Variants in ZNF43 observed in about 807,000 individuals in gnomAD.
ZNF43 encodes zinc finger protein 39-like 1 (KOX 27).
ZNF43 carries 44 observed loss-of-function variants against 68.4 expected under a neutral mutation model. The observed-to-expected ratio is 0.64, with a 90% CI of 0.51 to 0.83. The LOEUF (loss-of-function observed/expected upper bound fraction) is 0.83. Among genes scored for constraint, ZNF43 ranks in the 40% least tolerant of loss-of-function variants. ZNF43 has a pLI of 0.00. For synonymous variants in ZNF43, 308 were observed against 307.8 expected (o/e 1.00, Z -0.01); for missense variants, 896 against 933.2 (o/e 0.96, Z 0.52).
intron 1 of ZNF43, among the ~76,000 whole-genome samples, chr19:21,820,830 A>AT (rs750258211): frequency 0.022 from 2,832 of 128,720 alleles, 84 homozygotes; most frequent in East Asian, 0.12. Context: ...ATGTTCTGTA[A>AT]TTTTTTTTTT....
chr19:21,851,977 G>T, exon 1 of ZNF43: 2 of 1,533,944 alleles, frequency 1.3e-6, no homozygotes, highest in South Asian at 1.2e-5. Flanking sequence ...ACAGGGTAAC[G>T]GAGGCTGCGA....
chr19:21,816,122 C>T lies in ZNF43; in HGVS notation c.229+1766G>A, dbSNP rs756849502. Among the ~76,000 whole-genome samples, 106 of 151,250 alleles carry T rather than the reference C, an allele frequency of 7.0e-4. 1 individual carries two copies. The highest frequency in any genetic ancestry group is 1.5e-3 in the Non-Finnish European group (101 of 67,742). On this transcript the variant is annotated intron_variant, in intron 3 of 3. Transcript: ENST00000354959. ...TAAAAATGTATAGGGAGAGTGACAACAGTAAGATGGAAAAATAAAAGGTGC... is the reference window on the plus strand; with the variant it reads ...TAAAAATGTATAGGGAGAGTGACAATAGTAAGATGGAAAAATAAAAGGTGC...
intron 1 of ZNF43, among the ~76,000 whole-genome samples, chr19:21,823,071 A>G (rs1012009517): frequency 2.0e-5 from 3 of 152,220 alleles, no homozygotes; most frequent in Admixed American, 2.0e-4. Context: ...TTTTTTCAAT[A>G]AACATTCCTT....
Position 21,808,245 on chromosome 19 carries a change from C to G in ZNF43, c.1792G>C (p.Glu598Gln). The change falls in exon 4 of 4, where the codon GAA becomes CAA. Residue 598 changes from glutamate (E) to glutamine (Q), a missense_variant. Transcript: ENST00000354959. Reference sequence around the variant, plus strand: ...GATTGGGTAAAAGCTTTGCCACATTCTTCACATTTGTAGAATTTCTCTCCA... The same window carrying G: ...GATTGGGTAAAAGCTTTGCCACATTGTTCACATTTGTAGAATTTCTCTCCA... ...HTGEKFYKCE[E>Q]CGKAFTQSSN... 1 of 1,613,340 alleles carries G rather than the reference C, an allele frequency of 6.2e-7. No individual in the cohort carries two copies. The highest frequency in any genetic ancestry group is 8.5e-7 in the Non-Finnish European group (1 of 1,179,800).
intron 1 of ZNF43, among the ~76,000 whole-genome samples, chr19:21,846,456 T>C (rs1196767755): frequency 2.6e-5 from 4 of 152,316 alleles, no homozygotes; most frequent in Non-Finnish European, 5.9e-5. Flanking sequence ...ATCTGACCTA[T>C]GGACAAAGCC....
intron 1 of ZNF43, among the ~76,000 whole-genome samples, chr19:21,826,242 C>G (rs1456048384): frequency 6.6e-6 from 1 of 150,942 alleles, no homozygotes; most frequent in African/African-American, 2.5e-5. Context: ...GATGGGAAGC[C>G]TGAAAGAAAA....
chr19:21,845,173 T>C (rs986402895), intron 1 of ZNF43, among the ~76,000 whole-genome samples: 20 of 151,860 alleles, frequency 1.3e-4, no homozygotes, highest in Admixed American at 7.2e-4. Context: ...TATGTTACAG[T>C]GCTCTCTATG....
In ZNF43 at chr19:21,805,036, T is replaced by TGAAG. The variant is rs2036873993; in HGVS notation, c.*2570_*2571insCTTC. 6.6e-6 allele frequency: 1 copy of TGAAG among 152,196 alleles called. No homozygotes were observed. The highest frequency in any genetic ancestry group is 1.5e-5 in the Non-Finnish European group (1 of 68,038). The allele number at this position is 152,196 out of a possible 1,614,324, so 9.4% of individuals were successfully genotyped here. A position where few individuals can be genotyped will look rare whatever the true frequency, so the allele number is the denominator to read the frequency against. Reference sequence around the variant, plus strand: ...GACCCTGTAGTCAATAACAATTTAATTGTACATTAAAATAATGAAGTGTAG... The same window carrying TGAAG: ...GACCCTGTAGTCAATAACAATTTAATGAAGTGTACATTAAAATAATGAAGTGTAG... On this transcript the variant is annotated 3_prime_UTR_variant, in exon 4 of 4. Coordinates refer to ENST00000354959, the MANE Select transcript of ZNF43 (RefSeq NM_003423.4).
At chr19:21,812,409 T>C (rs2037322499) in intron 3 of ZNF43, among the ~76,000 whole-genome samples, 1 of 152,208 alleles carries the variant, frequency 6.6e-6, no homozygotes, top group Admixed American at 6.5e-5. Flanking sequence ...CCACTGCTCC[T>C]GGCCTATAAA....
At chr19:21,839,355 A>AAAAG (rs1555726813), upstream of ZNF43, among the ~76,000 whole-genome samples, 60 of 146,130 alleles carry the variant, frequency 4.1e-4, no homozygotes, top group South Asian at 1.0e-3. Flanking sequence ...AAAAAAAAAA[A>AAAAG]AGAGATCACA....
At chr19:21,843,788 T>TA (rs1030498108) in intron 1 of ZNF43, among the ~76,000 whole-genome samples, 5 of 151,878 alleles carry the variant, frequency 3.3e-5, no homozygotes, top group South Asian at 2.1e-4. Context: ...GTCTTAAAAA[T>TA]AAAAAAATAA....
rs747157934 is a variant in ZNF43 at position 21,819,109 on chromosome 19, T to G, written c.116A>C (p.Asn39Thr). Residue 39 changes from asparagine to threonine, a missense_variant, in exon 2 of 4, where the codon AAC becomes ACC. Physicochemically the swap from Asn to Thr is moderately conservative, Grantham distance 65. Transcript: ENST00000354959. ...YRNVMLENYR[N>T]LVFLGIAVSK... ...GTTATGCTCACCCAGGAAGACCAGG[T>G]TTCTGTAGTTCTCTAACATCACATT... The G allele has an allele frequency of 6.2e-7, 1 of 1,610,900 alleles. No individual in the cohort carries two copies. The highest frequency in any genetic ancestry group is 8.5e-7 in the Non-Finnish European group (1 of 1,178,670).
intron 1 of ZNF43, chr19:21,827,235 G>A (rs2038179059): frequency 6.6e-6 from 1 of 152,154 alleles, no homozygotes; most frequent in African/African-American, 2.4e-5. Context: ...CATTGGATGG[G>A]AGTTCCATAT....
In ZNF43 at chr19:21,807,887, CG is replaced by C; in HGVS notation, c.2149del (p.Arg717AspfsTer79). ...CTTATGTTCAATAAGGTTTGAGGAT[CG>C]GTTAAAAGCTTTGCCACATTTTTCA... Reference protein sequence around the residue: ...KCEKCGKAFNRSSNLIEHKKI... With the variant: ...KCEKCGKAFNXSSNLIEHKKI... On this transcript the variant is annotated frameshift_variant, in exon 4 of 4. Transcript: ENST00000354959. LOFTEE classifies it high-confidence loss of function. 6.2e-7 allele frequency: 1 copy of C among 1,608,856 alleles called. No homozygotes were observed. Among genetic ancestry groups the C allele is most frequent in the South Asian group, 1.1e-5 (1 of 90,798 alleles).
At chr19:21,811,833 A>T (rs1338587604) in intron 3 of ZNF43, among the ~76,000 whole-genome samples, 6 of 152,192 alleles carry the variant, frequency 3.9e-5, no homozygotes, top group Non-Finnish European at 7.3e-5. Context: ...AATTTTCTTG[A>T]ATTATATATA....
chr19:21,808,717 G>T lies in ZNF43; in HGVS notation c.1320C>A (p.Thr440=). The T allele has an allele frequency of 6.2e-7, 1 of 1,609,800 alleles. No homozygotes were observed. The highest frequency in any genetic ancestry group is 8.5e-7 in the Non-Finnish European group (1 of 1,179,140). ...TATGAATTCTGTTATGTTTAGTAAG[G>T]GTTGAGGGCCAGTTAAAGGCTTTGC... is the stretch of plus-strand genomic sequence containing the variant. ...ECGKAFNWPS[T]LTKHNRIHTG... The change falls in exon 4 of 4, where the codon ACC becomes ACA. Residue 440 remains threonine (T), a synonymous_variant. Transcript: ENST00000354959.
chr19:21,848,695 A>G (rs1479603546), intron 1 of ZNF43, among the ~76,000 whole-genome samples: 2 of 152,186 alleles, frequency 1.3e-5, no homozygotes, highest in African/African-American at 4.8e-5. Flanking sequence ...CAATGTCACA[A>G]CCACACCTGC....
In ZNF43 at chr19:21,809,474, T is replaced by A; in HGVS notation, c.563A>T (p.His188Leu). ...ATGAATTATTTTATGTTGAGCTAGA[T>A]GTGGAAGCATGCAAAATGATTTGCC... ...ECGKSFCMLP[H>L]LAQHKIIHTR... Residue 188 changes from histidine to leucine, a missense_variant, in exon 4 of 4, where the codon CAT becomes CTT. Coordinates refer to ENST00000354959, the MANE Select transcript of ZNF43 (RefSeq NM_003423.4). 1 of 1,613,886 alleles carries A rather than the reference T, an allele frequency of 6.2e-7. No individual in the cohort carries two copies. The highest frequency in any genetic ancestry group is 8.5e-7 in the Non-Finnish European group (1 of 1,179,900).
chr19:21,836,191 C>T (rs1047985810), upstream of ZNF43: 2 of 1,519,410 alleles, frequency 1.3e-6, no homozygotes, highest in South Asian at 2.5e-5. Context: ...ACAAAGGCCC[C>T]GCCACATCCC....
Sources: allele counts gnomAD v4.1 joint callset (sites outside exome capture counted in the v4.1 genomes callset), GRCh38; gene constraint gnomAD v4.1.1; transcripts MANE v1.5; gene names NCBI Gene and HGNC (gene_info 2026-07-23, HGNC 2026-07-21).